PTPRG: variants seen among roughly 807,000 people sequenced by gnomAD.
PTPRG encodes receptor-type tyrosine-protein phosphatase gamma.
In PTPRG, 102 loss-of-function variants were observed where a neutral mutation model predicts 165.3. The ratio of observed to expected loss-of-function variants is 0.62; its 90% CI spans 0.53 to 0.73. The LOEUF is 0.73. Among genes scored for constraint, PTPRG ranks in the 30% least tolerant of loss-of-function variants. The probability of loss-of-function intolerance (pLI) is 0.00; values close to 1 mark genes in which losing one functional copy is unlikely to be tolerated. For missense variants in PTPRG, 1,866 were observed against 1,861.4 expected (o/e 1.00, Z -0.05); for synonymous variants, 675 against 669.5 (o/e 1.01, Z -0.13).
chr3:61,686,280 A>G (rs181862743), intron 1 of PTPRG, among the ~76,000 whole-genome samples: 45 of 152,270 alleles, frequency 3.0e-4, no homozygotes, highest in African/African-American at 1.1e-3. Context: ...CTGTCATGTG[A>G]CAGATAGAGC....
Position 61,722,283 on chromosome 3 carries a change from ACT to A in PTPRG, c.86-26589_86-26588del, listed in dbSNP as rs148450810. ...GGCCAAACTAGTCTGTTTATAATGAACTCTCTCCCTTCATAATCCATTCATGA... is the reference window on the plus strand; with the variant it reads ...GGCCAAACTAGTCTGTTTATAATGAACTCTCCCTTCATAATCCATTCATGA... On this transcript the variant is annotated intron_variant, in intron 1 of 29. Coordinates refer to ENST00000474889, the MANE Select transcript of PTPRG (RefSeq NM_002841.4). 4.1e-3 allele frequency among the ~76,000 whole-genome samples: 625 copies of A among 151,666 alleles called. 2 individuals are homozygous for A. The highest frequency in any genetic ancestry group is 6.8e-3 in the Non-Finnish European group (463 of 67,902).
intron 5 of PTPRG, 81 bp from the exon 6 acceptor site, chr3:62,132,521 C>A: frequency 8.9e-7 from 1 of 1,129,736 alleles, no homozygotes; most frequent in Non-Finnish European, 1.4e-6. Flanking sequence ...TATTCTCCCC[C>A]TTCTCTTTAG....
At chr3:61,860,943 A>G (rs72882226) in intron 2 of PTPRG, among the ~76,000 whole-genome samples, 216 of 152,234 alleles carry the variant, frequency 1.4e-3, no homozygotes, top group African/African-American at 5.0e-3. Flanking sequence ...CAGGGTTGCC[A>G]CAGCCACCCC....
chr3:62,243,347 A>T (rs1701207707), intron 14 of PTPRG, among the ~76,000 whole-genome samples: 1 of 152,154 alleles, frequency 6.6e-6, no homozygotes, highest in South Asian at 2.1e-4. Context: ...GGGCCTTTGC[A>T]TGAACAATGT....
intron 1 of PTPRG, among the ~76,000 whole-genome samples, chr3:61,587,972 T>TG (rs60716863): frequency 4.0e-5 from 6 of 151,602 alleles, no homozygotes; most frequent in Non-Finnish European, 8.8e-5. Flanking sequence ...TTTTTTTTTT[T>TG]AAACTTTTTT....
rs1168515020 is a variant in PTPRG, at chr3:61,561,882, C to G, written c.-406C>G. 6.4e-6 allele frequency: 1 copy of G among 155,198 alleles called. No individual in the cohort carries two copies. Among genetic ancestry groups the G allele is most frequent in the Non-Finnish European group, 1.4e-5 (1 of 69,806 alleles). The allele number at this position is 155,198 out of a possible 1,614,324, so 9.6% of individuals were successfully genotyped here. ...CCGCGCTCAGCCCCGCCGCCGCCCG[C>G]CGGCTCTCGGGCTGTGCTGCGCTGC... On this transcript the variant is annotated 5_prime_UTR_variant, in exon 1 of 30. Coordinates refer to ENST00000474889, the MANE Select transcript of PTPRG (RefSeq NM_002841.4).
intron 1 of PTPRG, among the ~76,000 whole-genome samples, chr3:61,578,079 C>T: frequency 6.6e-6 from 1 of 152,208 alleles, no homozygotes; most frequent in East Asian, 1.9e-4. Context: ...TATTATTTTA[C>T]CAGCTCATGA....
intron 10 of PTPRG, among the ~76,000 whole-genome samples, chr3:62,200,791 TATAAC>T (rs1700080446): frequency 1.3e-5 from 2 of 152,156 alleles, no homozygotes; most frequent in South Asian, 2.1e-4. Flanking sequence ...GGAATAAAAA[TATAAC>T]AGTACACAAA....
intron 5 of PTPRG, among the ~76,000 whole-genome samples, chr3:62,099,328 A>G (rs144085668): frequency 1.5e-3 from 226 of 152,324 alleles, no homozygotes; most frequent in Non-Finnish European, 2.7e-3. Context: ...AACCGTCGCT[A>G]CTTCCTAGTC....
At chr3:61,850,288 C>T (rs562319295) in intron 2 of PTPRG, among the ~76,000 whole-genome samples, 17 of 152,220 alleles carry the variant, frequency 1.1e-4, no homozygotes, top group Non-Finnish European at 1.8e-4. Flanking sequence ...CTCAGCCTCC[C>T]GAGTAGCTGG....
intron 2 of PTPRG, among the ~76,000 whole-genome samples, chr3:61,870,475 G>GC (rs201484107): frequency 2.2e-3 from 99 of 44,258 alleles, no homozygotes; most frequent in African/African-American, 0.013. Context: ...ACCACACCTA[G>GC]CTTTTTTTTT....
At chr3:61,966,095 C>T (rs376741206) in intron 2 of PTPRG, among the ~76,000 whole-genome samples, 3 of 152,298 alleles carry the variant, frequency 2.0e-5, no homozygotes, top group East Asian at 3.9e-4. Flanking sequence ...ACTATACCTC[C>T]GCCCTGAATA....
intron 6 of PTPRG, among the ~76,000 whole-genome samples, chr3:62,156,079 T>C (rs1256477399): frequency 1.3e-5 from 2 of 152,252 alleles, no homozygotes; most frequent in Non-Finnish European, 2.9e-5. Context: ...TTACTGGGCA[T>C]GCTTGGAAGA....
chr3:62,018,274 C>T (rs2041598613), intron 4 of PTPRG, among the ~76,000 whole-genome samples: 1 of 152,176 alleles, frequency 6.6e-6, no homozygotes, highest in Non-Finnish European at 1.5e-5. Context: ...TCGTTCATTC[C>T]TTATTACTGG....
At chr3:61,903,245 C>A (rs2038545432) in intron 2 of PTPRG, among the ~76,000 whole-genome samples, 1 of 152,216 alleles carries the variant, frequency 6.6e-6, no homozygotes, top group African/African-American at 2.4e-5. Context: ...TGATGCCTTA[C>A]CTCGTCCTTT....
intron 5 of PTPRG, among the ~76,000 whole-genome samples, chr3:62,122,608 G>A (rs1703118401): frequency 6.6e-6 from 1 of 152,168 alleles, no homozygotes; most frequent in South Asian, 2.1e-4. Flanking sequence ...TAGGTTCTGT[G>A]CTGCAATTAA....
intron 1 of PTPRG, among the ~76,000 whole-genome samples, chr3:61,713,327 ATTTTT>A (rs556907427): frequency 6.6e-5 from 9 of 135,520 alleles, no homozygotes; most frequent in African/African-American, 2.4e-4. Flanking sequence ...CGCTCAGCTA[ATTTTT>A]TTTTTTTTTT....
Position 62,272,951 on chromosome 3 carries a change from G to C in PTPRG, c.3188G>C (p.Gly1063Ala). 6.2e-7 allele frequency: 1 copy of C among 1,608,966 alleles called. No homozygotes were observed. The highest frequency in any genetic ancestry group is 8.5e-7 in the Non-Finnish European group (1 of 1,177,910). ...AGTGTCTTCATTTCTTACAGTGCTG[G>C]TGTGGGCAGAACAGGCACCTATATT... ...TGPVLVHCSA[G>A]VGRTGTYIVI... The change falls in exon 22 of 30, where the codon GGT becomes GCT. Residue 1063 changes from glycine to alanine, a missense_variant. Coordinates refer to ENST00000474889, the MANE Select transcript of PTPRG (RefSeq NM_002841.4).
Position 61,626,027 on chromosome 3 carries a change from G to A in PTPRG, c.85+63655G>A, listed in dbSNP as rs35693895. ...GGTTTGTTTGTTTTTTTTTTTTGGG[G>A]GGGCGGGAGAGATCACTTTTAGGCG... On this transcript the variant is annotated intron_variant, in intron 1 of 29. Transcript: ENST00000474889. Among the ~76,000 whole-genome samples, 915 of 114,200 alleles carry A rather than the reference G, an allele frequency of 8.0e-3. 12 individuals carry two copies. Among genetic ancestry groups the A allele is most frequent in the African/African-American group, 0.033 (864 of 26,050 alleles). 74.9% of individuals were successfully genotyped at this position (114,200 alleles called of 152,430 possible).
Sources: gnomAD v4.1 joint callset for allele counts (sites outside exome capture counted in the v4.1 genomes callset) on GRCh38, gnomAD v4.1.1 for gene constraint, MANE v1.5 for transcripts, NCBI Gene and HGNC (gene_info 2026-07-23, HGNC 2026-07-21) for gene names.